The following KCNB2 variants were observed in gnomAD, a reference collection of about 807,000 sequenced individuals.
KCNB2 encodes potassium voltage-gated channel subfamily B member 2, also known as delayed rectifier potassium channel protein.
A neutral mutation model predicts 61.5 loss-of-function variants in KCNB2; 15 were observed. The observed-to-expected ratio is 0.24, with a 90% confidence interval of 0.16 to 0.38. The LOEUF is 0.38. Ranked by LOEUF, KCNB2 falls within the 10% of genes least tolerant of loss-of-function variation. KCNB2 has a pLI of 1.00. For missense variants in KCNB2, 828 were observed against 1,125.2 expected, an observed-to-expected ratio of 0.74 and a Z score of 3.78; for synonymous variants, 457 against 446.0, an observed-to-expected ratio of 1.02 and a Z score of -0.31.
chr8:72,711,611 C>G (rs76002345), intron 2 of KCNB2, among the ~76,000 whole-genome samples: 1 of 152,270 alleles, frequency 6.6e-6, no homozygotes, highest in East Asian at 1.9e-4. Context: ...CAGGCAAAGA[C>G]AAAGATGGTG....
intron 2 of KCNB2, among the ~76,000 whole-genome samples, chr8:72,693,682 A>C (rs1449069574): frequency 6.6e-6 from 1 of 152,136 alleles, no homozygotes; most frequent in Non-Finnish European, 1.5e-5. Context: ...TTATCTGTGG[A>C]CGCCTGCTCT....
In KCNB2 at chr8:72,581,093, T is replaced by G. The variant is rs143372461; in HGVS notation, c.579+12780T>G. Among the ~76,000 whole-genome samples the G allele has an allele frequency of 1.6e-3, 237 of 152,256 alleles. 2 individuals are homozygous for G. Among genetic ancestry groups the G allele is most frequent in the African/African-American group, 5.3e-3 (219 of 41,556 alleles). On this transcript the variant is annotated intron_variant, in intron 2 of 2. Transcript: ENST00000523207. ...AAGACAGGGCTCTGGTCTAGACAGG[T>G]TGTTCACTGAACTCAACAGAGTATT...
At chr8:72,617,029 A>G (rs1242304926) in intron 2 of KCNB2, among the ~76,000 whole-genome samples, 3 of 152,150 alleles carry the variant, frequency 2.0e-5, no homozygotes, top group Non-Finnish European at 2.9e-5. Flanking sequence ...TGTCTGCTCA[A>G]TTGTGATTTA....
intron 2 of KCNB2, among the ~76,000 whole-genome samples, chr8:72,707,493 C>T (rs778252661): frequency 2.0e-5 from 3 of 152,112 alleles, no homozygotes; most frequent in African/African-American, 4.8e-5. Flanking sequence ...CACAGAGCCT[C>T]AAATGGAACA....
At chr8:72,579,669 A>T (rs1278153502) in intron 2 of KCNB2, among the ~76,000 whole-genome samples, 5 of 152,186 alleles carry the variant, frequency 3.3e-5, no homozygotes, top group African/African-American at 1.2e-4. Context: ...ATTTGAGCAG[A>T]AATTTAACTC....
rs73686086 is a variant in KCNB2 at position 72,601,128 on chromosome 8, T to C, written c.579+32815T>C. 2.4e-3 allele frequency among the ~76,000 whole-genome samples: 358 copies of C among 152,340 alleles called. 1 individual carries two copies. The highest frequency in any genetic ancestry group is 8.2e-3 in the African/African-American group (341 of 41,582). ...CTTGTTCATTATTTTTTATATGTTT[T>C]AGTTGGCAAATTAAGAGCATTTCAT... On this transcript the variant is annotated intron_variant, in intron 2 of 2. Transcript: ENST00000523207.
At chr8:72,918,043 C>A (rs908051346) in intron 2 of KCNB2, among the ~76,000 whole-genome samples, 1 of 152,176 alleles carries the variant, frequency 6.6e-6, no homozygotes, top group African/African-American at 2.4e-5. Flanking sequence ...TGCCAATATG[C>A]AAACAGGCAA....
At chr8:72,821,651 A>AC (rs1563395128) in intron 2 of KCNB2, among the ~76,000 whole-genome samples, 9 of 150,418 alleles carry the variant, frequency 6.0e-5, no homozygotes, top group African/African-American at 2.2e-4. Flanking sequence ...CAAAAAAAAA[A>AC]AAAAAAAAAC....
At chr8:72,602,189 A>C (rs1805364129) in intron 2 of KCNB2, among the ~76,000 whole-genome samples, 1 of 152,216 alleles carries the variant, frequency 6.6e-6, no homozygotes, top group Non-Finnish European at 1.5e-5. Context: ...AGCCATTTTT[A>C]AAATCTATTG....
At chr8:72,582,531 A>G (rs561447501) in intron 2 of KCNB2, among the ~76,000 whole-genome samples, 8 of 152,350 alleles carry the variant, frequency 5.3e-5, no homozygotes, top group Admixed American at 3.9e-4. Flanking sequence ...GGATAAGTCC[A>G]GAGTTTGAAT....
intron 2 of KCNB2, among the ~76,000 whole-genome samples, chr8:72,772,519 G>A (rs1808577620): frequency 6.6e-6 from 1 of 152,192 alleles, no homozygotes; most frequent in Non-Finnish European, 1.5e-5. Context: ...ATAGGATTAG[G>A]CATTCAGAGC....
chr8:72,717,177 G>A (rs1807459243), intron 2 of KCNB2, among the ~76,000 whole-genome samples: 1 of 152,146 alleles, frequency 6.6e-6, no homozygotes, highest in Admixed American at 6.5e-5. Flanking sequence ...ACAAACAAAT[G>A]GAAGAACATT....
chr8:72,908,239 A>G (rs1053584086), intron 2 of KCNB2, among the ~76,000 whole-genome samples: 2 of 152,156 alleles, frequency 1.3e-5, no homozygotes, highest in Admixed American at 1.3e-4. Context: ...CTTTTCCTTC[A>G]TCTTAAGCAT....
At chr8:72,808,923 T>C (rs1809264879) in intron 2 of KCNB2, among the ~76,000 whole-genome samples, 1 of 152,190 alleles carries the variant, frequency 6.6e-6, no homozygotes, top group Admixed American at 6.6e-5. Context: ...GTCCCTTTAA[T>C]TGTTCACACA....
intron 2 of KCNB2, among the ~76,000 whole-genome samples, chr8:72,835,600 C>CA (rs1220920970): frequency 1.3e-5 from 2 of 152,106 alleles, no homozygotes; most frequent in Non-Finnish European, 2.9e-5. Context: ...GTTTTGTGTG[C>CA]AAAAAGCTCC....
At chr8:72,854,554 C>A (rs66880351) in intron 2 of KCNB2, among the ~76,000 whole-genome samples, 1 of 152,004 alleles carries the variant, frequency 6.6e-6, no homozygotes, top group Non-Finnish European at 1.5e-5. Flanking sequence ...TGAGGAGAAA[C>A]ATATACGACA....
At chr8:72,733,955 C>T (rs1175061017) in intron 2 of KCNB2, among the ~76,000 whole-genome samples, 1 of 152,162 alleles carries the variant, frequency 6.6e-6, no homozygotes, top group African/African-American at 2.4e-5. Flanking sequence ...CGGGCGTCTA[C>T]TTTTGATCCA....
chr8:72,632,885 ATTTAGT>A (rs1221088258), intron 2 of KCNB2, among the ~76,000 whole-genome samples: 1 of 152,176 alleles, frequency 6.6e-6, no homozygotes, highest in African/African-American at 2.4e-5. Context: ...TCTTGAAATA[ATTTAGT>A]TCCATTGAAT....
intron 2 of KCNB2, among the ~76,000 whole-genome samples, chr8:72,916,364 A>G (rs896047283): frequency 3.9e-5 from 6 of 151,952 alleles, no homozygotes; most frequent in African/African-American, 1.5e-4. Flanking sequence ...GCAGGAGCAG[A>G]CTCCACTTGC....
Sources: gnomAD v4.1 joint callset for allele counts (sites outside exome capture counted in the v4.1 genomes callset) on GRCh38, gnomAD v4.1.1 for gene constraint, MANE v1.5 for transcripts, NCBI Gene and HGNC (gene_info 2026-07-23, HGNC 2026-07-21) for gene names.